FRMD3: variants seen among roughly 807,000 people sequenced by gnomAD.
The protein encoded by FRMD3 is FERM domain-containing protein 3.
Under a neutral mutation model 70.2 loss-of-function variants are expected in FRMD3, and 33 were observed. That is an observed-to-expected ratio of 0.47 (90% CI 0.36 to 0.63). FRMD3 has a LOEUF of 0.63. FRMD3 is among the 20% of genes least tolerant of loss of function. The probability of loss-of-function intolerance (pLI) is 0.00; values close to 1 mark genes in which losing one functional copy is unlikely to be tolerated. For synonymous variants in FRMD3, 279 were observed against 255.9 expected, an observed-to-expected ratio of 1.09 and a Z score of -0.86; for missense variants, 632 against 711.4, an observed-to-expected ratio of 0.89 and a Z score of 1.27.
At chr9:83,319,349 G>A (rs1244649508) in intron 6 of FRMD3, among the ~76,000 whole-genome samples, 1 of 152,000 alleles carries the variant, frequency 6.6e-6, no homozygotes. Context: ...TCCATCTTGA[G>A]TTAATTTTTG....
chr9:83,300,950 G>A (rs1834899804), intron 10 of FRMD3, among the ~76,000 whole-genome samples: 1 of 152,182 alleles, frequency 6.6e-6, no homozygotes, highest in Non-Finnish European at 1.5e-5. Context: ...CTTTTGCAAA[G>A]AAGCCCCTTC....
chr9:83,517,608 A>C, intron 1 of FRMD3, among the ~76,000 whole-genome samples: 1 of 152,126 alleles, frequency 6.6e-6, no homozygotes, highest in East Asian at 1.9e-4. Flanking sequence ...TACAAGCAAT[A>C]AAAAAAGAGG....
chr9:83,407,872 TCA>T lies in FRMD3; in HGVS notation c.148-18166_148-18165del, dbSNP rs1826163203. Among the ~76,000 whole-genome samples the T allele has an allele frequency of 6.2e-5, 7 of 112,256 alleles. No homozygotes were observed. In the East Asian group the frequency reaches 8.3e-4, roughly 13 times the overall value. 73.6% of individuals were successfully genotyped at this position (112,256 alleles called of 152,430 possible). Reference sequence around the variant, plus strand: ...CTCTCTCTCTCTCTCTCTCTCTCTCTCATCTTTCTCTCTCTCTCTCTCTCTCT... The same window carrying T: ...CTCTCTCTCTCTCTCTCTCTCTCTCTTCTTTCTCTCTCTCTCTCTCTCTCT... On this transcript the variant is annotated intron_variant, in intron 1 of 13. Coordinates refer to ENST00000304195, the MANE Select transcript of FRMD3 (RefSeq NM_174938.6).
chr9:83,326,388 C>G (rs775616867), intron 6 of FRMD3, among the ~76,000 whole-genome samples: 1 of 152,150 alleles, frequency 6.6e-6, no homozygotes, highest in Non-Finnish European at 1.5e-5. Context: ...AAATAATTCT[C>G]AAGTAAGCAT....
At chr9:83,535,426 T>G (rs746659253) in intron 1 of FRMD3, among the ~76,000 whole-genome samples, 3 of 152,144 alleles carry the variant, frequency 2.0e-5, no homozygotes, top group Non-Finnish European at 4.4e-5. Flanking sequence ...GAGTTTCCCC[T>G]ACTTATTTTG....
rs1468235568 is a variant in FRMD3, at chr9:83,343,236, C to T, written c.426G>A (p.Leu142=). The T allele has an allele frequency of 6.2e-7, 1 of 1,614,034 alleles. No homozygotes were observed. The highest frequency in any genetic ancestry group is 1.6e-4 in the Middle Eastern group (1 of 6,062). The change falls in exon 5 of 14, where the codon CTG becomes CTA. Residue 142 remains leucine, a synonymous_variant. Transcript: ENST00000304195. ...GGTAGGCAGCATCAGAAAAGGAGCACAGCAGGCGGCCATGAAAAATGTCCC... is the reference window on the plus strand; with the variant it reads ...GGTAGGCAGCATCAGAAAAGGAGCATAGCAGGCGGCCATGAAAAATGTCCC... ...IKRDIFHGRL[L]CSFSDAAYLG...
chr9:83,344,288 T>C (rs10120343), intron 4 of FRMD3, among the ~76,000 whole-genome samples: 14,312 of 152,302 alleles, frequency 0.094, 801 homozygotes, highest in East Asian at 0.24. Context: ...CCAATGTTTT[T>C]TCTCCTTCTC....
chr9:83,386,862 C>G (rs1350045779), intron 2 of FRMD3, among the ~76,000 whole-genome samples: 2 of 152,062 alleles, frequency 1.3e-5, no homozygotes, highest in Non-Finnish European at 2.9e-5. Flanking sequence ...GAGAATGTTC[C>G]TCACATTGAA....
At chr9:83,557,772 T>C in the FRMD3 span, among the ~76,000 whole-genome samples, 3 of 152,136 alleles carry the variant, frequency 2.0e-5, no homozygotes, top group Admixed American at 1.3e-4. Flanking sequence ...AGAAATATGA[T>C]GGAAACACTG....
chr9:83,454,855 T>G (rs1018487971), intron 1 of FRMD3, among the ~76,000 whole-genome samples: 4 of 152,190 alleles, frequency 2.6e-5, no homozygotes, highest in African/African-American at 9.7e-5. Flanking sequence ...TAGTGTAATG[T>G]GACAGAGAAC....
At chr9:83,339,123 T>C (rs995138764) in intron 5 of FRMD3, among the ~76,000 whole-genome samples, 41 of 152,014 alleles carry the variant, frequency 2.7e-4, no homozygotes, top group South Asian at 4.1e-4. Context: ...GGAAATCTTG[T>C]GAGATATTAT....
intron 1 of FRMD3, among the ~76,000 whole-genome samples, chr9:83,407,923 CCTTTCT>C (rs150624714): frequency 0.098 from 14,030 of 143,596 alleles, 818 homozygotes; most frequent in Admixed American, 0.12. Context: ...CTCTCCCTCC[CCTTTCT>C]CTTTCTCTTT....
At chr9:83,388,001 T>C (rs1284008702) in intron 2 of FRMD3, among the ~76,000 whole-genome samples, 2 of 152,122 alleles carry the variant, frequency 1.3e-5, no homozygotes, top group African/African-American at 2.4e-5. Flanking sequence ...CCTGACGTCA[T>C]GTCAGCCCCA....
intron 6 of FRMD3, among the ~76,000 whole-genome samples, chr9:83,329,248 A>G (rs1836148226): frequency 6.6e-6 from 1 of 152,212 alleles, no homozygotes; most frequent in Admixed American, 6.5e-5. Context: ...AATAGCAACA[A>G]AAAATGCAAA....
At chr9:83,407,878 T>TCTTTC (rs1826164799) in intron 1 of FRMD3, among the ~76,000 whole-genome samples, 2 of 89,044 alleles carry the variant, frequency 2.2e-5, no homozygotes, top group African/African-American at 5.2e-5. Flanking sequence ...TCTCTCATCT[T>TCTTTC]TCTCTCTCTC....
intron 6 of FRMD3, among the ~76,000 whole-genome samples, chr9:83,316,015 C>T (rs149333102): frequency 9.2e-5 from 14 of 152,296 alleles, no homozygotes; most frequent in African/African-American, 3.1e-4. Flanking sequence ...TCCTATCTTC[C>T]ACAGATGTTG....
In FRMD3 at chr9:83,313,692, C is replaced by A; in HGVS notation, c.652G>T (p.Glu218Ter). ...FNLLLKAHTL[E>*]TYGVDPHPCK... ...GGGTGAGGATCCACCCCGTAGGTTTCCAAAGTGTGAGCTTTCAGGAGCAAG... is the reference window on the plus strand; with the variant it reads ...GGGTGAGGATCCACCCCGTAGGTTTACAAAGTGTGAGCTTTCAGGAGCAAG... Residue 218 changes from glutamate to a stop codon, truncating the protein, a stop_gained, in exon 7 of 14, where the codon GAA (glutamate) becomes TAA (stop). Coordinates refer to ENST00000304195, the MANE Select transcript of FRMD3 (RefSeq NM_174938.6). LOFTEE classifies it high-confidence loss of function. 1.2e-6 allele frequency: 2 copies of A among 1,614,110 alleles called. No homozygotes were observed. The highest frequency in any genetic ancestry group is 1.7e-6 in the Non-Finnish European group (2 of 1,179,968).
chr9:83,508,952 T>C (rs977968549), intron 1 of FRMD3, among the ~76,000 whole-genome samples: 3 of 152,096 alleles, frequency 2.0e-5, no homozygotes, highest in Admixed American at 2.0e-4. Flanking sequence ...CCCAGGGAAG[T>C]CTTCCTTGAC....
the FRMD3 span, among the ~76,000 whole-genome samples, chr9:83,580,811 G>C: frequency 1.3e-5 from 2 of 152,044 alleles, no homozygotes; most frequent in African/African-American, 4.8e-5. Context: ...ATGTTAACTA[G>C]TTTGATTTAA....
Sources: gnomAD v4.1 joint callset for allele counts (sites outside exome capture counted in the v4.1 genomes callset) on GRCh38, gnomAD v4.1.1 for gene constraint, MANE v1.5 for transcripts, NCBI Gene and HGNC (gene_info 2026-07-23, HGNC 2026-07-21) for gene names.